Variants in ABL2 observed in about 807,000 individuals in gnomAD.
The protein encoded by ABL2 is ABL proto-oncogene 2, non-receptor tyrosine kinase.
Under a neutral mutation model 107.7 loss-of-function variants are expected in ABL2, and 49 were observed. That is an observed-to-expected ratio of 0.45 (90% CI 0.36 to 0.58). The LOEUF is 0.58. Among genes scored for constraint, ABL2 ranks in the 20% least tolerant of loss-of-function variants. The pLI, the probability that ABL2 is intolerant of heterozygous loss-of-function variation, is 0.00. For missense variants in ABL2, 1,245 were observed against 1,457.0 expected, an observed-to-expected ratio of 0.85 and a Z score of 2.37; for synonymous variants, 549 against 548.6, an observed-to-expected ratio of 1.00 and a Z score of -0.01.
chr1:179,208,141 A>G (rs933636131), intron 1 of ABL2, among the ~76,000 whole-genome samples: 2 of 152,166 alleles, frequency 1.3e-5, no homozygotes, highest in African/African-American at 2.4e-5. Context: ...AGTGAATTGT[A>G]TATGTTATAT....
intron 1 of ABL2, among the ~76,000 whole-genome samples, chr1:179,170,422 CTT>C (rs796159869): frequency 6.8e-6 from 1 of 146,198 alleles, no homozygotes; most frequent in African/African-American, 2.5e-5. Context: ...TTAAAGAATG[CTT>C]TTTTTTTTTT....
At chr1:179,193,181 GA>G (rs1005547761) in intron 1 of ABL2, among the ~76,000 whole-genome samples, 10 of 151,650 alleles carry the variant, frequency 6.6e-5, no homozygotes, top group Middle Eastern at 3.2e-3. Context: ...CATGTATCAA[GA>G]AAAAAAATAT....
At chr1:179,213,211 TTTATATTCATTTTTTCCA>T (rs1662382970) in intron 1 of ABL2, among the ~76,000 whole-genome samples, 1 of 152,162 alleles carries the variant, frequency 6.6e-6, no homozygotes, top group Non-Finnish European at 1.5e-5. Flanking sequence ...AATGCAGTAC[TTTATATTCATTTTTTCCA>T]TACTGAGTTT....
At chr1:179,201,814 G>T in intron 1 of ABL2, 1 of 1,080,040 alleles carries the variant, frequency 9.3e-7, no homozygotes, top group Non-Finnish European at 1.3e-6. Context: ...GGCCATAAAG[G>T]TGTGGCTATT....
At chr1:179,228,675 A>T (rs1408396811) in intron 1 of ABL2, among the ~76,000 whole-genome samples, 1 of 152,150 alleles carries the variant, frequency 6.6e-6, no homozygotes, top group Non-Finnish European at 1.5e-5. Context: ...ATAAACCACA[A>T]AAGCATGTCA....
intron 1 of ABL2, among the ~76,000 whole-genome samples, chr1:179,151,482 T>G (rs1658361655): frequency 1.3e-5 from 2 of 152,194 alleles, no homozygotes; most frequent in African/African-American, 4.8e-5. Context: ...ATACATCCTG[T>G]TTTTATGTCT....
intron 1 of ABL2, among the ~76,000 whole-genome samples, chr1:179,142,036 G>A (rs1657638733): frequency 6.6e-6 from 1 of 152,222 alleles, no homozygotes; most frequent in African/African-American, 2.4e-5. Context: ...AGACAGACAT[G>A]TCTGGATGAT....
intron 1 of ABL2, among the ~76,000 whole-genome samples, chr1:179,215,976 T>C (rs751510204): frequency 2.0e-5 from 3 of 152,226 alleles, no homozygotes; most frequent in Non-Finnish European, 4.4e-5. Flanking sequence ...GTGTACATAT[T>C]ATGTATTATA....
At chr1:179,118,863 C>G (rs951685513) in intron 6 of ABL2, 99 bp from the exon 7 acceptor site, 1 of 1,285,578 alleles carries the variant, frequency 7.8e-7, no homozygotes, top group South Asian at 1.4e-5. Flanking sequence ...AGGTCTAGTT[C>G]GGCAATAATC....
In ABL2 at chr1:179,107,789, G is replaced by T; in HGVS notation, c.3478C>A (p.Pro1160Thr). 1.2e-6 allele frequency: 2 copies of T among 1,614,214 alleles called. No individual in the cohort carries two copies. Among genetic ancestry groups the T allele is most frequent in the Non-Finnish European group, 1.7e-6 (2 of 1,180,040 alleles). ...LQVSSAAAGVPGTNPVLNNLL... is the reference protein window; with the variant it reads ...LQVSSAAAGVTGTNPVLNNLL... ...TTATTAAGGACAGGGTTTGTCCCGG[G>T]CACACCAGCAGCTGCTGAAGAAACC... The change falls in exon 12 of 12, where the codon CCC becomes ACC. Residue 1160 changes from proline (P) to threonine (T), a missense_variant. Transcript: ENST00000502732.
chr1:179,159,514 A>C (rs1658932621), intron 1 of ABL2, among the ~76,000 whole-genome samples: 1 of 152,224 alleles, frequency 6.6e-6, no homozygotes, highest in African/African-American at 2.4e-5. Flanking sequence ...TAAGAGATAC[A>C]TCTGTTTAAG....
intron 1 of ABL2, among the ~76,000 whole-genome samples, chr1:179,212,280 G>A (rs1662318814): frequency 6.6e-6 from 1 of 152,186 alleles, no homozygotes; most frequent in South Asian, 2.1e-4. Flanking sequence ...TGGGGACACA[G>A]AGCCAAACCA....
intron 1 of ABL2, among the ~76,000 whole-genome samples, chr1:179,195,229 A>C (rs1661242173): frequency 6.6e-6 from 1 of 152,208 alleles, no homozygotes; most frequent in South Asian, 2.1e-4. Context: ...CTGAGGTTGC[A>C]GTGAGCTGAG....
At chr1:179,199,351 A>C (rs1015434315) in intron 1 of ABL2, among the ~76,000 whole-genome samples, 1 of 152,230 alleles carries the variant, frequency 6.6e-6, no homozygotes, top group Non-Finnish European at 1.5e-5. Flanking sequence ...AAAAAGTCTC[A>C]GTGGGTGATT....
At chr1:179,229,167 TCCGCC>T in intron 1 of ABL2, 69 bp downstream of exon 1, 4 of 402,572 alleles carry the variant, frequency 9.9e-6, no homozygotes, top group Non-Finnish European at 1.9e-5. Context: ...GGGCAGCCCG[TCCGCC>T]ACCCACCCCG....
At chr1:179,210,980 G>GA (rs1189585718) in intron 1 of ABL2, among the ~76,000 whole-genome samples, 11 of 152,018 alleles carry the variant, frequency 7.2e-5, no homozygotes, top group Non-Finnish European at 1.6e-4. Context: ...TGCAAGCTTG[G>GA]AAAAATATTT....
At chr1:179,144,683 AATT>A (rs35286494) in intron 1 of ABL2, among the ~76,000 whole-genome samples, 45,848 of 151,970 alleles carry the variant, frequency 0.3, 7,779 homozygotes, top group East Asian at 0.43. Context: ...TAATGTAGGT[AATT>A]ATTAACTATT....
intron 1 of ABL2, among the ~76,000 whole-genome samples, chr1:179,211,201 T>A (rs1447385164): frequency 1.3e-5 from 2 of 152,138 alleles, no homozygotes; most frequent in African/African-American, 4.8e-5. Context: ...TAGGATTTCA[T>A]AAAGTTTTCA....
At chr1:179,120,155 T>G (rs1022045993) in intron 6 of ABL2, 35 bp downstream of exon 6, 1 of 1,435,516 alleles carries the variant, frequency 7.0e-7, no homozygotes, top group African/African-American at 1.4e-5. Flanking sequence ...CAAGCATTTT[T>G]GGAGGAAATC....
Sources: allele counts gnomAD v4.1 joint callset (sites outside exome capture counted in the v4.1 genomes callset), GRCh38; gene constraint gnomAD v4.1.1; transcripts MANE v1.5; gene names NCBI Gene and HGNC (gene_info 2026-07-23, HGNC 2026-07-21).